Variants in C6 observed in about 807,000 individuals in gnomAD.
C6 encodes complement component C6.
In C6, 101 loss-of-function variants were observed where a neutral mutation model predicts 112.9. That is an observed-to-expected ratio of 0.89 (90% CI 0.76 to 1.06). The LOEUF (loss-of-function observed/expected upper bound fraction) is 1.06. Ranked by LOEUF, C6 falls within the 50% of genes least tolerant of loss-of-function variation. The pLI is 0.00. For synonymous variants in C6, 431 were observed against 384.1 expected (o/e 1.12, Z -1.43); for missense variants, 1,202 against 1,104.6 (o/e 1.09, Z -1.25).
At chr5:41,193,643 G>C (rs1223472871) in intron 5 of C6, among the ~76,000 whole-genome samples, 2 of 151,990 alleles carry the variant, frequency 1.3e-5, no homozygotes, top group African/African-American at 4.8e-5. Flanking sequence ...CACTAAGCCT[G>C]GGTAAAAACA....
chr5:41,229,816 C>T (rs116111892), intron 1 of C6, among the ~76,000 whole-genome samples: 1,962 of 152,116 alleles, frequency 0.013, 25 homozygotes, highest in Non-Finnish European at 0.021. Context: ...TTTATTCTTT[C>T]AGTTCTGTTA....
At position 41,181,052 on chromosome 5, in the gene C6, A is replaced by T. The variant is rs181681885; in HGVS notation, c.927+307T>A. The stretch of plus-strand genomic sequence containing the variant: ...AAAAATATAAAATACAGATTGTCAT[A>T]TTACATGAAAGGTCAAAGTTCTGTT... On this transcript the variant is annotated intron_variant, in intron 7 of 17. Coordinates refer to ENST00000337836, the MANE Select transcript of C6 (RefSeq NM_000065.5). 4.9e-3 allele frequency among the ~76,000 whole-genome samples: 750 copies of T among 152,148 alleles called. 2 individuals are homozygous for T. Among genetic ancestry groups the T allele is most frequent in the Non-Finnish European group, 7.6e-3 (516 of 67,948 alleles).
intron 1 of C6, chr5:41,261,178 A>G (rs1742031341): frequency 3.0e-6 from 3 of 985,620 alleles, no homozygotes; most frequent in Non-Finnish European, 3.6e-6. Context: ...AAAGAAGAAA[A>G]AAGTAGAAAA....
At chr5:41,172,383 T>C (rs770165094) in intron 8 of C6, 36 bp from the exon 9 acceptor site, 4 of 1,609,818 alleles carry the variant, frequency 2.5e-6, no homozygotes, top group Non-Finnish European at 3.4e-6. Context: ...CCACTGAGAA[T>C]GCACCATTGA....
intron 9 of C6, among the ~76,000 whole-genome samples, chr5:41,169,652 A>G (rs971023462): frequency 6.6e-6 from 1 of 152,108 alleles, no homozygotes; most frequent in Non-Finnish European, 1.5e-5. Flanking sequence ...CAGAAGGTGA[A>G]GAGGAAGGAG....
At chr5:41,213,304 G>A (rs1038706896) in intron 1 of C6, 72 bp downstream of exon 1, 9 of 625,376 alleles carry the variant, frequency 1.4e-5, no homozygotes, top group Non-Finnish European at 1.8e-5. Context: ...GCATGAAATT[G>A]TAATTTTGTT....
chr5:41,155,329 G>A (rs555790423), intron 13 of C6, among the ~76,000 whole-genome samples: 98 of 152,006 alleles, frequency 6.4e-4, no homozygotes, highest in African/African-American at 2.3e-3. Flanking sequence ...TTTATAACTG[G>A]TCACTCTTCT....
intron 1 of C6, among the ~76,000 whole-genome samples, chr5:41,237,158 A>G (rs370250995): frequency 1.5e-5 from 2 of 135,632 alleles, no homozygotes; most frequent in African/African-American, 5.9e-5. Flanking sequence ...ACAAGGAGGA[A>G]CTGGTACCAT....
chr5:41,162,232 C>G (rs966364389), intron 9 of C6, among the ~76,000 whole-genome samples: 1 of 152,088 alleles, frequency 6.6e-6, no homozygotes, highest in Non-Finnish European at 1.5e-5. Context: ...CAAATATAGC[C>G]CAGTCCTTGA....
At chr5:41,172,933 GCTCA>G (rs1217396885) in intron 8 of C6, among the ~76,000 whole-genome samples, 2 of 152,060 alleles carry the variant, frequency 1.3e-5, no homozygotes, top group African/African-American at 4.8e-5. Flanking sequence ...TAATTCACCT[GCTCA>G]CTCAGCCCCT....
chr5:41,203,569 C>CCACCG, intron 1 of C6: 1 of 303,056 alleles, frequency 3.3e-6, no homozygotes. Flanking sequence ...TAGATTTATA[C>CCACCG]AGTCTTACCC....
chr5:41,238,890 T>C (rs1355763129), intron 1 of C6, among the ~76,000 whole-genome samples: 5 of 152,144 alleles, frequency 3.3e-5, no homozygotes, highest in Non-Finnish European at 7.3e-5. Context: ...ATTGGGTTCA[T>C]AAAATTTAAT....
At chr5:41,206,984 G>C (rs893640681) in intron 1 of C6, among the ~76,000 whole-genome samples, 1 of 152,110 alleles carries the variant, frequency 6.6e-6, no homozygotes, top group African/African-American at 2.4e-5. Context: ...GAGAAAGGTC[G>C]GGTTACCCAC....
intron 1 of C6, among the ~76,000 whole-genome samples, chr5:41,206,775 G>A (rs1464789015): frequency 5.9e-5 from 9 of 152,196 alleles, no homozygotes; most frequent in African/African-American, 1.9e-4. Context: ...GTGACAGGGC[G>A]AGTGGAACCG....
intron 6 of C6, among the ~76,000 whole-genome samples, chr5:41,183,681 G>T (rs547183892): frequency 1.1e-4 from 16 of 152,242 alleles, no homozygotes; most frequent in Admixed American, 3.3e-4. Flanking sequence ...ACATGCACTT[G>T]CATGTTTATC....
intron 17 of C6, among the ~76,000 whole-genome samples, chr5:41,144,971 T>C (rs879450870): frequency 4.6e-5 from 7 of 152,232 alleles, no homozygotes; most frequent in Non-Finnish European, 5.9e-5. Context: ...ACATTTTCTT[T>C]ATGCAGTTTA....
chr5:41,185,980 T>C, intron 6 of C6, 90 bp downstream of exon 6: 1 of 1,495,624 alleles, frequency 6.7e-7, no homozygotes, highest in Non-Finnish European at 9.3e-7. Context: ...CTTTTTATTC[T>C]GTCCCTTCAT....
rs374524344 is a variant in C6 at position 41,213,402 on chromosome 5, G to T, written c.-47C>A. The T allele has an allele frequency of 1.0e-6, 1 of 984,972 alleles. No individual in the cohort carries two copies. The highest frequency in any genetic ancestry group is 1.7e-5 in the African/African-American group (1 of 57,154). The allele number at this position is 984,972 out of a possible 1,614,324, so 61.0% of individuals were successfully genotyped here. A position where few individuals can be genotyped will look rare whatever the true frequency, so the allele number is the denominator to read the frequency against. On this transcript the variant is annotated 5_prime_UTR_variant, in exon 1 of 18. Coordinates refer to ENST00000337836, the MANE Select transcript of C6 (RefSeq NM_000065.5). ...TTTAAGCAGAGTTTGTGGTGTCCTC[G>T]GACCTAAGCTGCAAATTATTGGGGA...
At chr5:41,240,667 G>A (rs1740648983) in intron 1 of C6, among the ~76,000 whole-genome samples, 1 of 152,158 alleles carries the variant, frequency 6.6e-6, no homozygotes. Context: ...GACAGGGTGA[G>A]GCAATCCTCA....
Sources: gnomAD v4.1 joint callset for allele counts (sites outside exome capture counted in the v4.1 genomes callset) on GRCh38, gnomAD v4.1.1 for gene constraint, MANE v1.5 for transcripts, NCBI Gene and HGNC (gene_info 2026-07-23, HGNC 2026-07-21) for gene names.